Variants in CFAP46 observed in about 807,000 individuals in gnomAD.
CFAP46 encodes cilia- and flagella-associated protein 46.
Under a neutral mutation model 325.7 loss-of-function variants are expected in CFAP46, and 245 were observed. The observed-to-expected ratio is 0.75, with a 90% CI of 0.68 to 0.84. CFAP46 has a LOEUF of 0.84. Among genes scored for constraint, CFAP46 ranks in the 40% least tolerant of loss-of-function variants. CFAP46 has a pLI of 0.00. For synonymous variants in CFAP46, 1,523 were observed against 1,495.9 expected (o/e 1.02, Z -0.42); for missense variants, 3,346 against 3,543.0 (o/e 0.94, Z 1.41).
chr10:132,844,292 C>T (rs1055997492), intron 44 of CFAP46, among the ~76,000 whole-genome samples: 14 of 152,250 alleles, frequency 9.2e-5, no homozygotes, highest in South Asian at 2.1e-4. Flanking sequence ...TCCTCCTCCT[C>T]GCAGAGCTTC....
At chr10:132,844,573 C>A (rs1200982121) in intron 44 of CFAP46, among the ~76,000 whole-genome samples, 10 of 152,160 alleles carry the variant, frequency 6.6e-5, no homozygotes, top group Non-Finnish European at 1.0e-4. Flanking sequence ...CATGAGAATT[C>A]CTGAAACAGG....
chr10:132,832,503 G>A lies in CFAP46; in HGVS notation c.7117+855C>T, dbSNP rs189473948. 5.1e-4 allele frequency: 158 copies of A among 307,584 alleles called. 2 individuals are homozygous for A. The East Asian group carries it at 0.011, about 22-fold the overall frequency. The allele number at this position is 307,584 out of a possible 1,614,324, so 19.1% of individuals were successfully genotyped here. On this transcript the variant is annotated intron_variant, in intron 50 of 57. Transcript: ENST00000368586. The surrounding 1 kb of genome is among the most constrained non-coding windows in gnomAD (Gnocchi z 4.1). ...GCCCCCCGTCCTGCGCGGACTGCTC[G>A]TCAATGTTTGAAAACCCTCATTTCA...
intron 32 of CFAP46, among the ~76,000 whole-genome samples, chr10:132,870,851 C>T (rs910083234): frequency 5.9e-5 from 9 of 152,216 alleles, no homozygotes; most frequent in East Asian, 1.9e-4. Context: ...ATGGTGGCTA[C>T]GCTAAACAAC....
In CFAP46 at chr10:132,859,962, G is replaced by A. The variant is rs527924262; in HGVS notation, c.5198+455C>T. On this transcript the variant is annotated intron_variant, in intron 37 of 57. Transcript: ENST00000368586. ...CCCAGCAACTCGGGAGGCTGAGGCA[G>A]GAGAATCACTTGAACCAGGGAGTCG... 3.3e-5 allele frequency among the ~76,000 whole-genome samples: 5 copies of A among 152,364 alleles called. No homozygotes were observed. In the South Asian group the frequency reaches 1.0e-3, roughly 32 times the overall value.
At chr10:132,899,279 A>C (rs1161232219) in intron 23 of CFAP46, among the ~76,000 whole-genome samples, 158 bp from the exon 24 acceptor site, 1 of 152,054 alleles carries the variant, frequency 6.6e-6, no homozygotes, top group African/African-American at 2.4e-5. Flanking sequence ...CATCCTTTCC[A>C]GTGGGCCTTT....
intron 46 of CFAP46, 70 bp from the exon 47 acceptor site, chr10:132,835,504 A>G (rs931404030): frequency 1.9e-4 from 305 of 1,579,904 alleles, no homozygotes; most frequent in Non-Finnish European, 2.5e-4. Flanking sequence ...GTGCATGGTG[A>G]GCACTGGGAA....
At chr10:132,916,338 G>A (rs1849637851) in intron 17 of CFAP46, among the ~76,000 whole-genome samples, 1 of 152,218 alleles carries the variant, frequency 6.6e-6, no homozygotes, top group African/African-American at 2.4e-5. Flanking sequence ...GGTCTTGCGA[G>A]GAACGACGGC....
intron 41 of CFAP46, among the ~76,000 whole-genome samples, chr10:132,848,095 C>A (rs60910325): frequency 6.6e-6 from 1 of 152,048 alleles, no homozygotes; most frequent in Non-Finnish European, 1.5e-5. Context: ...CAGGGCTGCA[C>A]CACGTGCAGC....
At chr10:132,812,529 G>A (rs1189763144) in intron 55 of CFAP46, among the ~76,000 whole-genome samples, 6 of 152,296 alleles carry the variant, frequency 3.9e-5, no homozygotes, top group South Asian at 2.1e-4. Flanking sequence ...GGGGGCACTC[G>A]GAAATGAAGG....
At chr10:132,913,856 C>G (rs934167782) in intron 17 of CFAP46, among the ~76,000 whole-genome samples, 2 of 151,534 alleles carry the variant, frequency 1.3e-5, no homozygotes, top group South Asian at 4.2e-4. Context: ...CGCCGGCCTG[C>G]GCGCTCCACC....
chr10:132,864,374 AG>A (rs1184527644), intron 35 of CFAP46, among the ~76,000 whole-genome samples: 2 of 57,036 alleles, frequency 3.5e-5, no homozygotes. Flanking sequence ...ACCTGTCCCC[AG>A]TGCCTGAGAC....
intron 3 of CFAP46, 150 bp downstream of exon 3, chr10:132,941,441 G>C: frequency 9.2e-7 from 1 of 1,092,074 alleles, no homozygotes; most frequent in Non-Finnish European, 1.3e-6. Context: ...GCATGGACAG[G>C]AAATGGTGCA....
chr10:132,915,795 C>T (rs1193464152), intron 17 of CFAP46, among the ~76,000 whole-genome samples: 1 of 152,238 alleles, frequency 6.6e-6, no homozygotes, highest in Non-Finnish European at 1.5e-5. Flanking sequence ...GGACATCGAA[C>T]ATTCCCAACA....
In CFAP46 at chr10:132,877,342, G is replaced by A. The variant is rs1240425508; in HGVS notation, c.4213-381C>T. On this transcript the variant is annotated intron_variant, in intron 30 of 57. Transcript: ENST00000368586. The surrounding 1 kb of genome is among the most constrained non-coding windows in gnomAD (Gnocchi z 5.7). The stretch of plus-strand genomic sequence containing the variant: ...CAGCAGTGCTCGTGCCGGGGTCCAG[G>A]TGTGAGCGTCCTGCTCTGGGGAGCT... Among the ~76,000 whole-genome samples, 4 of 152,144 alleles carry A rather than the reference G, an allele frequency of 2.6e-5. No individual in the cohort carries two copies. Among genetic ancestry groups the A allele is most frequent in the African/African-American group, 4.8e-5 (2 of 41,420 alleles).
intron 8 of CFAP46, among the ~76,000 whole-genome samples, chr10:132,931,688 CCCACACAGAGCCTGGGCCTCCCTCCTCT>C (rs1353483577): frequency 7.2e-6 from 1 of 139,634 alleles, no homozygotes; most frequent in African/African-American, 2.7e-5. Flanking sequence ...CTTCTTCCTC[CCCACACAGAGCCTGGGCCTCCCTCCTCT>C]CCACACAGAG....
At chr10:132,815,057 G>A in intron 50 of CFAP46, 143 bp from the exon 51 acceptor site, 1 of 784,162 alleles carries the variant, frequency 1.3e-6, no homozygotes, top group Non-Finnish European at 2.1e-6. Flanking sequence ...GTTTTAATTT[G>A]TGTAAAGTTG....
rs1271936378 is a variant in CFAP46, at chr10:132,939,539, C to A, written c.372-786G>T. Among the ~76,000 whole-genome samples the A allele has an allele frequency of 6.6e-6, 1 of 152,196 alleles. No individual in the cohort carries two copies. Among genetic ancestry groups the A allele is most frequent in the Non-Finnish European group, 1.5e-5 (1 of 68,026 alleles). ...GGCCACCAGGTGGACCAGCACTGCTCAATGCCCAGGTGGGAGGAGGACACC... is the reference window on the plus strand; with the variant it reads ...GGCCACCAGGTGGACCAGCACTGCTAAATGCCCAGGTGGGAGGAGGACACC... On this transcript the variant is annotated intron_variant, in intron 4 of 57. Transcript: ENST00000368586. The surrounding 1 kb of genome is among the most constrained non-coding windows in gnomAD (Gnocchi z 4.6).
intron 22 of CFAP46, chr10:132,908,213 C>T: frequency 1.9e-6 from 1 of 518,014 alleles, no homozygotes; most frequent in Non-Finnish European, 3.5e-6. Flanking sequence ...CTGGACTGGG[C>T]CTGGAGACCT....
rs35970466 is a variant in CFAP46 at position 132,919,627 on chromosome 10, T to G, written c.1731-185A>C. The stretch of plus-strand genomic sequence containing the variant: ...TGCATGTCCCAGGGTCGGGCGCAGC[T>G]CTCCGCTCTCCCTGCCAGCCAGCTG... On this transcript the variant is annotated intron_variant, in intron 14 of 57. Transcript: ENST00000368586. This position sits in a 1 kb window ranked among gnomAD's most constrained non-coding sequence, Gnocchi z 9.7. 1.3e-5 allele frequency among the ~76,000 whole-genome samples: 2 copies of G among 151,654 alleles called. No individual in the cohort carries two copies. Among genetic ancestry groups the G allele is most frequent in the African/African-American group, 2.4e-5 (1 of 41,248 alleles).
Sources: allele counts gnomAD v4.1 joint callset (sites outside exome capture counted in the v4.1 genomes callset), GRCh38; gene constraint gnomAD v4.1.1; non-coding constraint Gnocchi (gnomAD v3.1); transcripts MANE v1.5; gene names NCBI Gene and HGNC (gene_info 2026-07-23, HGNC 2026-07-21).